MAN2A1: variants seen among roughly 807,000 people sequenced by gnomAD.
MAN2A1 encodes the protein mannosidase alpha class 2A member 1, also known as alpha-mannosidase 2.
In MAN2A1, 76 loss-of-function variants were observed where a neutral mutation model predicts 142.6. The ratio of observed to expected loss-of-function variants is 0.53; its 90% CI spans 0.44 to 0.65. MAN2A1 has a LOEUF of 0.65. MAN2A1 is among the 30% of genes least tolerant of loss of function. The pLI, the probability that MAN2A1 is intolerant of heterozygous loss-of-function variation, is 0.00. For missense variants in MAN2A1, 1,311 were observed against 1,365.1 expected (o/e 0.96, Z 0.62); for synonymous variants, 559 against 473.2 (o/e 1.18, Z -2.35).
At chr5:109,715,393 A>G (rs2112564605) in intron 2 of MAN2A1, among the ~76,000 whole-genome samples, 1 of 152,048 alleles carries the variant, frequency 6.6e-6, no homozygotes, top group Non-Finnish European at 1.5e-5. Flanking sequence ...GTCACATTTA[A>G]TATTATAGAG....
intron 19 of MAN2A1, among the ~76,000 whole-genome samples, chr5:109,853,190 C>T (rs1451137098): frequency 6.6e-6 from 1 of 152,076 alleles, no homozygotes; most frequent in Admixed American, 6.6e-5. Flanking sequence ...TCTTTTGATT[C>T]TAAAGGGAGC....
intron 18 of MAN2A1, among the ~76,000 whole-genome samples, chr5:109,846,500 C>T (rs1194081212): frequency 6.6e-6 from 1 of 151,944 alleles, no homozygotes; most frequent in Non-Finnish European, 1.5e-5. Context: ...TTGAGGATTC[C>T]AAAAGAGAGA....
At chr5:109,709,646 C>T (rs1271056631) in intron 1 of MAN2A1, among the ~76,000 whole-genome samples, 1 of 152,154 alleles carries the variant, frequency 6.6e-6, no homozygotes, top group Non-Finnish European at 1.5e-5. Flanking sequence ...GTAACTGAGC[C>T]TGTTCTACCT....
At chr5:109,785,995 A>G (rs1048577120) in intron 10 of MAN2A1, among the ~76,000 whole-genome samples, 2 of 152,124 alleles carry the variant, frequency 1.3e-5, no homozygotes, top group Admixed American at 6.6e-5. Flanking sequence ...TTAAATTTTT[A>G]GTTACAATAT....
chr5:109,801,835 T>A (rs77812491), intron 12 of MAN2A1, among the ~76,000 whole-genome samples: 6,442 of 152,124 alleles, frequency 0.042, 432 homozygotes, highest in African/African-American at 0.15. Context: ...CATAATTAGA[T>A]GCTGCAAAAT....
At chr5:109,767,126 C>G (rs536264079) in intron 5 of MAN2A1, among the ~76,000 whole-genome samples, 4 of 152,114 alleles carry the variant, frequency 2.6e-5, no homozygotes, top group Non-Finnish European at 5.9e-5. Context: ...GAAATAGGTA[C>G]GTTACTTTTC....
intron 5 of MAN2A1, among the ~76,000 whole-genome samples, chr5:109,761,735 G>A (rs1373820901): frequency 6.6e-6 from 1 of 151,908 alleles, no homozygotes; most frequent in African/African-American, 2.4e-5. Flanking sequence ...GACAGCTTAT[G>A]TACATTAGAA....
chr5:109,784,988 A>G, intron 10 of MAN2A1, 62 bp downstream of exon 10: 11 of 1,257,424 alleles, frequency 8.7e-6, no homozygotes, highest in Non-Finnish European at 1.2e-5. Flanking sequence ...TAATAAGATT[A>G]TATCTTTTGG....
At chr5:109,843,689 TGAAATGTTTCAAATTGTAGTAAG>T (rs1276070393) in intron 17 of MAN2A1, among the ~76,000 whole-genome samples, 1 of 152,214 alleles carries the variant, frequency 6.6e-6, no homozygotes, top group African/African-American at 2.4e-5. Context: ...AAAATTTTCA[TGAAATGTTTCAAATTGTAGTAAG>T]GAAATTGATT....
At position 109,865,072 on chromosome 5, in the gene MAN2A1, C is replaced by A; in HGVS notation, c.3208C>A (p.Leu1070Ile). The A allele has an allele frequency of 6.2e-7, 1 of 1,614,020 alleles. No individual in the cohort carries two copies. Among genetic ancestry groups the A allele is most frequent in the Admixed American group, 1.7e-5 (1 of 60,018 alleles). Residue 1070 changes from leucine (L) to isoleucine (I), a missense_variant, in exon 21 of 22, where the codon CTC becomes ATC. Coordinates refer to ENST00000261483, the MANE Select transcript of MAN2A1 (RefSeq NM_002372.4). ...NGHSNEAALI[L>I]HRKGFDCRFS... ...GCACTCCAATGAGGCAGCCTTGATC[C>A]TCCACAGAAAAGGGTTTGATTGTCG...
intron 1 of MAN2A1, among the ~76,000 whole-genome samples, chr5:109,691,999 C>T (rs559322532): frequency 6.6e-6 from 1 of 152,190 alleles, no homozygotes; most frequent in East Asian, 1.9e-4. Context: ...TCAGATTTTC[C>T]TCCATTACAG....
At position 109,712,018 on chromosome 5, in the gene MAN2A1, G is replaced by C. The variant is rs552739550; in HGVS notation, c.136-1502G>C. Reference sequence around the variant, plus strand: ...GTGCTCCTTTCTTCTCTAGCATCAGGCTGTAGATATTCACCCCTAGTGTTG... The same window carrying C: ...GTGCTCCTTTCTTCTCTAGCATCAGCCTGTAGATATTCACCCCTAGTGTTG... On this transcript the variant is annotated intron_variant, in intron 1 of 21. Transcript: ENST00000261483. Among the ~76,000 whole-genome samples the C allele has an allele frequency of 1.1e-4, 16 of 152,060 alleles. No individual in the cohort carries two copies. In the South Asian group the frequency reaches 3.1e-3, roughly 30 times the overall value.
At chr5:109,807,263 C>G (rs1233038683) in intron 12 of MAN2A1, among the ~76,000 whole-genome samples, 2 of 152,096 alleles carry the variant, frequency 1.3e-5, no homozygotes, top group Non-Finnish European at 2.9e-5. Context: ...TCAGGATTTT[C>G]TTTTATATAT....
intron 12 of MAN2A1, among the ~76,000 whole-genome samples, chr5:109,803,959 T>C (rs1447918296): frequency 6.6e-6 from 1 of 152,132 alleles, no homozygotes; most frequent in Non-Finnish European, 1.5e-5. Context: ...TAGCTTATTG[T>C]TTTCAGTTTC....
chr5:109,754,818 A>G (rs1316607722), intron 4 of MAN2A1, among the ~76,000 whole-genome samples: 2 of 152,186 alleles, frequency 1.3e-5, no homozygotes, highest in Middle Eastern at 3.2e-3. Flanking sequence ...CCTGACCAAC[A>G]TGGAGAAACC....
intron 1 of MAN2A1, among the ~76,000 whole-genome samples, chr5:109,694,053 A>G (rs1013628838): frequency 2.0e-5 from 3 of 152,212 alleles, no homozygotes; most frequent in Admixed American, 2.0e-4. Context: ...TATGGTGTGT[A>G]TAATAGGGTT....
chr5:109,700,063 G>A lies in MAN2A1; in HGVS notation c.135+9511G>A, dbSNP rs140332719. Among the ~76,000 whole-genome samples the A allele has an allele frequency of 9.6e-4, 146 of 152,218 alleles. 1 individual carries two copies. Among genetic ancestry groups the A allele is most frequent in the African/African-American group, 3.4e-3 (142 of 41,538 alleles). ...CTGGTGAGAATCATGCTATATTTCA[G>A]TTTCCTTAACTTCTGGACCATGACT... is the stretch of plus-strand genomic sequence containing the variant. On this transcript the variant is annotated intron_variant, in intron 1 of 21. Coordinates refer to ENST00000261483, the MANE Select transcript of MAN2A1 (RefSeq NM_002372.4).
chr5:109,691,843 C>G (rs1582790010), intron 1 of MAN2A1, among the ~76,000 whole-genome samples: 1 of 152,140 alleles, frequency 6.6e-6, no homozygotes, highest in East Asian at 1.9e-4. Context: ...ATCTTTAAAT[C>G]TTGAGCTCAG....
intron 4 of MAN2A1, among the ~76,000 whole-genome samples, chr5:109,745,505 A>G (rs1239568285): frequency 6.6e-6 from 1 of 152,152 alleles, no homozygotes; most frequent in African/African-American, 2.4e-5. Flanking sequence ...TGAGTATTTT[A>G]TGAATAAAGT....
Sources: allele counts gnomAD v4.1 joint callset (sites outside exome capture counted in the v4.1 genomes callset), GRCh38; gene constraint gnomAD v4.1.1; transcripts MANE v1.5; gene names NCBI Gene and HGNC (gene_info 2026-07-23, HGNC 2026-07-21).